Variants in TJP1 observed in about 807,000 individuals in gnomAD.
TJP1 encodes tight junction protein ZO-1.
A neutral mutation model predicts 194.2 loss-of-function variants in TJP1; 43 were observed. The observed-to-expected ratio is 0.22, with a 90% CI of 0.17 to 0.29. The LOEUF (loss-of-function observed/expected upper bound fraction) is 0.29, where lower values mean the gene tolerates loss of function less well. Ranked by LOEUF, TJP1 falls within the 10% of genes least tolerant of loss-of-function variation. TJP1 has a pLI of 1.00. For missense variants in TJP1, 1,971 were observed against 2,185.7 expected (o/e 0.90, Z 1.96); for synonymous variants, 801 against 779.0 (o/e 1.03, Z -0.47).
chr15:29,727,830 T>C, intron 16 of TJP1, 107 bp downstream of exon 16: 1 of 805,530 alleles, frequency 1.2e-6, no homozygotes, highest in Non-Finnish European at 2.0e-6. Flanking sequence ...TTATAGTATG[T>C]CAGTAATAGT....
intron 2 of TJP1, among the ~76,000 whole-genome samples, chr15:29,846,478 G>A (rs1452827440): frequency 6.6e-6 from 1 of 152,076 alleles, no homozygotes. Context: ...CAAGAGAAGG[G>A]AGACCTGGAT....
chr15:29,803,611 G>A (rs2048926910), intron 1 of TJP1, among the ~76,000 whole-genome samples: 1 of 152,038 alleles, frequency 6.6e-6, no homozygotes, highest in African/African-American at 2.4e-5. Context: ...TGGCTTTTAG[G>A]AAAATCAAAT....
At chr15:29,707,435 G>A (rs2041967044) in intron 25 of TJP1, among the ~76,000 whole-genome samples, 1 of 152,154 alleles carries the variant, frequency 6.6e-6, no homozygotes, top group Non-Finnish European at 1.5e-5. Flanking sequence ...CAGAGCAGAG[G>A]CCAGCTCTGT....
chr15:29,821,295 G>A (rs569006235), intron 1 of TJP1: 1 of 152,140 alleles, frequency 6.6e-6, no homozygotes, highest in African/African-American at 2.4e-5. Context: ...TGAACTCACC[G>A]GCCTTTACTA....
At chr15:29,743,258 A>G (rs2044545208) in intron 8 of TJP1, among the ~76,000 whole-genome samples, 1 of 152,246 alleles carries the variant, frequency 6.6e-6, no homozygotes, top group African/African-American at 2.4e-5. Context: ...AAGTGATTAC[A>G]TAAAAATAAA....
intron 8 of TJP1, among the ~76,000 whole-genome samples, chr15:29,754,567 T>A (rs532571047): frequency 1.7e-4 from 26 of 152,228 alleles, no homozygotes; most frequent in Non-Finnish European, 2.8e-4. Context: ...CTCTCCACAT[T>A]TGAAATAGAA....
intron 2 of TJP1, among the ~76,000 whole-genome samples, chr15:29,788,738 T>C (rs779065955): frequency 6.1e-4 from 93 of 152,356 alleles, no homozygotes; most frequent in Admixed American, 1.0e-3. Flanking sequence ...CATAATTCTA[T>C]TTTAGAAAAT....
At chr15:29,711,500 G>A (rs759619292) in intron 23 of TJP1, among the ~76,000 whole-genome samples, 7 of 152,074 alleles carry the variant, frequency 4.6e-5, no homozygotes, top group Non-Finnish European at 8.8e-5. Flanking sequence ...CGAGTAGCTG[G>A]GATTACAGAT....
intron 2 of TJP1, among the ~76,000 whole-genome samples, chr15:29,846,653 C>T (rs1329777807): frequency 3.3e-5 from 5 of 152,058 alleles, no homozygotes; most frequent in East Asian, 1.9e-4. Flanking sequence ...GGGCCTGATG[C>T]GGTGGCTCAC....
At position 29,769,550 on chromosome 15, in the gene TJP1, T is replaced by C. The variant is rs749548; in HGVS notation, c.312+2514A>G. ...ACTGAAATGCCTGTGAATGAGTGGG[T>C]TGGATAAATATATATGCATAGTGAA... is the stretch of plus-strand genomic sequence containing the variant. On this transcript the variant is annotated intron_variant, in intron 4 of 27. Transcript: ENST00000614355. 7.2e-5 allele frequency among the ~76,000 whole-genome samples: 11 copies of C among 152,260 alleles called. 1 individual carries two copies. The South Asian group carries it at 1.7e-3, about 23-fold the overall frequency.
intron 2 of TJP1, among the ~76,000 whole-genome samples, chr15:29,907,421 A>C (rs1256511777): frequency 6.6e-6 from 1 of 152,122 alleles, no homozygotes; most frequent in Non-Finnish European, 1.5e-5. Flanking sequence ...AAAAACAAAA[A>C]AGAATTGAAA....
intron 1 of TJP1, among the ~76,000 whole-genome samples, chr15:29,806,659 G>A (rs1479528586): frequency 6.6e-6 from 1 of 152,162 alleles, no homozygotes. Flanking sequence ...TGGAGATGAG[G>A]TTGAGCCAGG....
At chr15:29,760,199 C>T (rs1263933412) in intron 8 of TJP1, 3 of 702,188 alleles carry the variant, frequency 4.3e-6, no homozygotes, top group South Asian at 3.0e-5. Context: ...CCTATAGAGC[C>T]TTGGGAGTCT....
Position 29,938,039 on chromosome 15 carries a change from T to G in TJP1, c.306+18193A>C, listed in dbSNP as rs573338388. 5.4e-4 allele frequency among the ~76,000 whole-genome samples: 83 copies of G among 152,368 alleles called. 1 individual carries two copies. The highest frequency in any genetic ancestry group is 1.1e-3 in the Non-Finnish European group (74 of 68,042). On this transcript the variant is annotated intron_variant, in intron 2 of 28. Transcript: ENST00000356107. ...TCCATCTTCAACATTCTGCTGTGAATACAGGACCTGTAATATGCTTGTTCT... is the reference window on the plus strand; with the variant it reads ...TCCATCTTCAACATTCTGCTGTGAAGACAGGACCTGTAATATGCTTGTTCT...
intron 1 of TJP1, among the ~76,000 whole-genome samples, chr15:29,808,900 G>A (rs1425461891): frequency 1.3e-5 from 2 of 152,152 alleles, no homozygotes. Flanking sequence ...TGCCACTTAT[G>A]AAGTAGAACT....
At chr15:29,895,745 T>C (rs2053456489) in intron 2 of TJP1, among the ~76,000 whole-genome samples, 1 of 152,210 alleles carries the variant, frequency 6.6e-6, no homozygotes, top group Non-Finnish European at 1.5e-5. Flanking sequence ...ACCTCCACAT[T>C]TCTAGGCATT....
chr15:29,718,838 A>G lies in TJP1; in HGVS notation c.3304T>C (p.Ser1102Pro). 6.2e-7 allele frequency: 1 copy of G among 1,614,160 alleles called. No homozygotes were observed. Residue 1102 changes from serine (S) to proline (P), a missense_variant, in exon 21 of 28, where the codon TCT (serine) becomes CCT (proline). Ser to Pro is a moderately conservative substitution (Grantham distance 74). This residue lies in a region of TJP1 where 1,108 missense variants were observed against 1,128.5 expected (regional missense o/e 0.98). Coordinates refer to ENST00000614355, the MANE Select transcript of TJP1 (RefSeq NM_001330239.4). The part of the protein sequence containing the change: ...SYYDDKQPYP[S>P]RPPFDNQHSQ... ...TGCTGATTATCAAAAGGTGGCCGAG[A>G]TGGGTAGGGCTGTTTGTCATCATAA... is the stretch of plus-strand genomic sequence containing the variant.
At chr15:29,949,250 A>T (rs1221742980) in intron 2 of TJP1, among the ~76,000 whole-genome samples, 11 of 104,826 alleles carry the variant, frequency 1.0e-4, no homozygotes, top group East Asian at 6.3e-4. Flanking sequence ...CACCTTCACC[A>T]CCACCTCCAC....
intron 2 of TJP1, among the ~76,000 whole-genome samples, chr15:29,834,662 A>G (rs1022346082): frequency 5.9e-5 from 9 of 152,250 alleles, no homozygotes; most frequent in African/African-American, 1.7e-4. Context: ...GAACGGAAAG[A>G]ATGGACAGTA....
Sources: gnomAD v4.1 joint callset for allele counts (sites outside exome capture counted in the v4.1 genomes callset) on GRCh38, gnomAD v4.1.1 for gene constraint, gnomAD v4.1.1 regional missense constraint, MANE v1.5 for transcripts, NCBI Gene and HGNC (gene_info 2026-07-23, HGNC 2026-07-21) for gene names.